Variants in TRIM39 observed in about 807,000 individuals in gnomAD.
TRIM39 encodes tripartite motif containing 39.
A neutral mutation model predicts 53.6 loss-of-function variants in TRIM39; 5 were observed. That is an observed-to-expected ratio of 0.09 (90% confidence interval 0.05 to 0.20). The LOEUF (loss-of-function observed/expected upper bound fraction) is 0.20. Ranked by LOEUF, TRIM39 falls within the 10% of genes least tolerant of loss-of-function variation. The probability of loss-of-function intolerance (pLI) is 1.00; values close to 1 mark genes in which losing one functional copy is unlikely to be tolerated. For missense variants in TRIM39, 310 were observed against 621.0 expected (o/e 0.50, Z 5.32); for synonymous variants, 196 against 237.6 (o/e 0.82, Z 1.61).
chr6:30,338,059 A>C lies in TRIM39; in HGVS notation c.781-1849A>C, dbSNP rs1787079029. Among the ~76,000 whole-genome samples, 1 of 152,208 alleles carries C rather than the reference A, an allele frequency of 6.6e-6. No homozygotes were observed. Among genetic ancestry groups the C allele is most frequent in the African/African-American group, 2.4e-5 (1 of 41,436 alleles). On this transcript the variant is annotated intron_variant, in intron 5 of 7. Coordinates refer to ENST00000396551, the Ensembl canonical transcript of TRIM39. The surrounding 1 kb of genome is among the most constrained non-coding windows in gnomAD (Gnocchi z 4.0). ...CTCTCAGCTTTCATAGAACTGAAGG[A>C]GTTAACAGCCTTGCTCTGGATTGGG...
chr6:30,328,087 T>A (rs775398616), intron 1 of TRIM39, among the ~76,000 whole-genome samples: 34 of 152,214 alleles, frequency 2.2e-4, no homozygotes, highest in Non-Finnish European at 4.0e-4. Context: ...GCCAGCCTTG[T>A]GTTTTATAAA....
At chr6:30,334,849 C>G (rs1262893485) in intron 4 of TRIM39, among the ~76,000 whole-genome samples, 4 of 152,134 alleles carry the variant, frequency 2.6e-5, no homozygotes, top group Non-Finnish European at 4.4e-5. Flanking sequence ...CCTCTTGATT[C>G]TTTTTGAGTA....
intron 1 of TRIM39, among the ~76,000 whole-genome samples, chr6:30,328,476 G>A (rs3094064): frequency 0.074 from 11,292 of 152,286 alleles, 544 homozygotes; most frequent in Non-Finnish European, 0.11. Flanking sequence ...AGATTTTCCT[G>A]AAAAGAGGAG....
At chr6:30,331,799 C>T (rs1419472580) in intron 4 of TRIM39, among the ~76,000 whole-genome samples, 1 of 152,292 alleles carries the variant, frequency 6.6e-6, no homozygotes, top group South Asian at 2.1e-4. Context: ...CAATTTTGCA[C>T]CTCTTTTATA....
chr6:30,329,055 T>C lies in TRIM39; in HGVS notation c.-8+14T>C. The C allele has an allele frequency of 4.0e-6, 2 of 500,006 alleles. No homozygotes were observed. The highest frequency in any genetic ancestry group is 3.9e-5 in the Admixed American group (1 of 25,886). 31.0% of individuals were successfully genotyped at this position (500,006 alleles called of 1,614,324 possible). The stretch of plus-strand genomic sequence containing the variant: ...GAGAAAGCAGAGGTAAGAGACAAGA[T>C]AGATCAATTGGGGGTTGTGTGTCAG... On this transcript the variant is annotated intron_variant, in intron 2 of 7. Coordinates refer to ENST00000396551, the Ensembl canonical transcript of TRIM39.
At position 30,342,460 on chromosome 6, in the gene TRIM39, CCTAA is replaced by C. The variant is rs1248022620; in HGVS notation, c.*204_*207del. The C allele has an allele frequency of 2.4e-5, 15 of 615,164 alleles. No homozygotes were observed. Among genetic ancestry groups the C allele is most frequent in the Non-Finnish European group, 3.1e-5 (11 of 352,222 alleles). 38.1% of individuals were successfully genotyped at this position (615,164 alleles called of 1,614,324 possible). A position where few individuals can be genotyped will look rare whatever the true frequency, so the allele number is the denominator to read the frequency against. The stretch of plus-strand genomic sequence containing the variant: ...TGAGAGAGCACAGCTGTGACTTCCT[CCTAA>C]CTGTCAGGGTGGGGAGCTGGTTCCC... On this transcript the variant is annotated 3_prime_UTR_variant, in exon 8 of 8. Coordinates refer to ENST00000396551, the Ensembl canonical transcript of TRIM39. This position sits in a 1 kb window ranked among gnomAD's most constrained non-coding sequence, Gnocchi z 4.7.
chr6:30,326,763 C>G (rs956960075), exon 1 of TRIM39: 1 of 153,856 alleles, frequency 6.5e-6, no homozygotes, highest in African/African-American at 2.4e-5. Context: ...CCTTGATTCC[C>G]CCTGCTGCTT....
intron 7 of TRIM39, 64 bp downstream of exon 7, chr6:30,340,684 C>A (rs565701664): frequency 3.3e-6 from 5 of 1,515,892 alleles, no homozygotes; most frequent in Non-Finnish European, 2.7e-6. Flanking sequence ...TTAGGTCCTA[C>A]CTTATATGGG....
chr6:30,327,624 T>G (rs1227701529), intron 1 of TRIM39: 1 of 152,426 alleles, frequency 6.6e-6, no homozygotes. Context: ...CTTTCCCCAT[T>G]TCTCTCACCA....
At chr6:30,337,386 C>T (rs965933259) in intron 5 of TRIM39, among the ~76,000 whole-genome samples, 3 of 151,862 alleles carry the variant, frequency 2.0e-5, no homozygotes, top group Non-Finnish European at 4.4e-5. Context: ...GCCTGGGTGA[C>T]AAGAGTGAAA....
rs906271428 is a variant in TRIM39 at position 30,339,456 on chromosome 6, G to C, written c.781-452G>C. ...GAGCTACTGTGCCCAGCCAGTTATT[G>C]ATGTTTATTAACTAATGCAAGACAG... On this transcript the variant is annotated intron_variant, in intron 5 of 7. Transcript: ENST00000396551. The surrounding 1 kb of genome is among the most constrained non-coding windows in gnomAD (Gnocchi z 4.2). 6.6e-6 allele frequency among the ~76,000 whole-genome samples: 1 copy of C among 152,118 alleles called. No individual in the cohort carries two copies. Among genetic ancestry groups the C allele is most frequent in the African/African-American group, 2.4e-5 (1 of 41,414 alleles).
rs1042749438 is a variant in TRIM39, at chr6:30,339,054, T to G, written c.781-854T>G. The stretch of plus-strand genomic sequence containing the variant: ...GTGTGTTCTGCCTTCCATATTAAAC[T>G]GGGAAATCCTTGTGGGACAGAGATT... On this transcript the variant is annotated intron_variant, in intron 5 of 7. Coordinates refer to ENST00000396551, the Ensembl canonical transcript of TRIM39. The surrounding 1 kb of genome is among the most constrained non-coding windows in gnomAD (Gnocchi z 4.2). Among the ~76,000 whole-genome samples, 12 of 152,216 alleles carry G rather than the reference T, an allele frequency of 7.9e-5. No individual in the cohort carries two copies. Among genetic ancestry groups the G allele is most frequent in the African/African-American group, 2.2e-4 (9 of 41,450 alleles).
chr6:30,330,814 C>G (rs772480769), exon 4 of TRIM39: 3 of 1,614,208 alleles, frequency 1.9e-6, no homozygotes, highest in Non-Finnish European at 2.5e-6. Context: ...GCCCCTGGAA[C>G]AGAAGCTGCA....
chr6:30,330,322 A>C (rs950345749), intron 3 of TRIM39, among the ~76,000 whole-genome samples: 1 of 152,252 alleles, frequency 6.6e-6, no homozygotes, highest in East Asian at 1.9e-4. Context: ...GCATTTTATC[A>C]TATACTTTGC....
chr6:30,327,249 C>T (rs1785467653), intron 1 of TRIM39: 1 of 152,708 alleles, frequency 6.5e-6, no homozygotes, highest in Non-Finnish European at 1.5e-5. Flanking sequence ...GACGCAGTCA[C>T]CGCGGGTCTC....
intron 1 of TRIM39, 28 bp downstream of exon 1, chr6:30,327,023 A>AGCCTGGGGCCTGCGCTCGC (rs1340248627): frequency 9.2e-5 from 14 of 151,428 alleles, no homozygotes; most frequent in Non-Finnish European, 1.9e-4. Context: ...GCCGCGCCCG[A>AGCCTGGGGCCTGCGCTCGC]GCCTGGGGCC....
intron 6 of TRIM39, 147 bp from the exon 7 acceptor site, chr6:30,340,358 A>G (rs752743805): frequency 1.9e-6 from 3 of 1,612,942 alleles, no homozygotes; most frequent in South Asian, 2.2e-5. Context: ...AAAGAAATCA[A>G]CAGGTGAGCT....
intron 4 of TRIM39, among the ~76,000 whole-genome samples, chr6:30,331,297 A>AAAG (rs9280947): frequency 0.37 from 54,975 of 150,080 alleles, 10,507 homozygotes; most frequent in South Asian, 0.52. Flanking sequence ...AACAAAAAAA[A>AAAG]AAAGAACAAT....
intron 6 of TRIM39, chr6:30,340,183 C>A: frequency 1.7e-6 from 2 of 1,210,616 alleles, no homozygotes; most frequent in Non-Finnish European, 2.4e-6. Flanking sequence ...TCTACTTGTG[C>A]CAGTGGGTGG....
Sources: allele counts gnomAD v4.1 joint callset (sites outside exome capture counted in the v4.1 genomes callset), GRCh38; gene constraint gnomAD v4.1.1; non-coding constraint Gnocchi (gnomAD v3.1); transcripts MANE v1.5; gene names NCBI Gene and HGNC (gene_info 2026-07-23, HGNC 2026-07-21).